Variants in ANK3 observed in about 807,000 individuals in gnomAD.
The protein encoded by ANK3 is ankyrin-3.
In ANK3, 57 loss-of-function variants were observed where a neutral mutation model predicts 370.9. The ratio of observed to expected loss-of-function variants is 0.15; its 90% CI spans 0.12 to 0.19. The LOEUF is 0.19. Ranked by LOEUF, ANK3 falls within the 10% of genes least tolerant of loss-of-function variation. ANK3 has a pLI of 1.00. For synonymous variants in ANK3, 1,929 were observed against 1,946.3 expected (o/e 0.99, Z 0.23); for missense variants, 4,439 against 5,302.1 (o/e 0.84, Z 5.06).
intron 1 of ANK3, among the ~76,000 whole-genome samples, chr10:60,292,646 T>A (rs1368840380): frequency 6.6e-6 from 1 of 152,056 alleles, no homozygotes; most frequent in Non-Finnish European, 1.5e-5. Context: ...GTATTTTTCA[T>A]TTGTTTGGGA....
intron 2 of ANK3, among the ~76,000 whole-genome samples, chr10:60,577,690 C>A (rs2077700276): frequency 6.6e-6 from 1 of 152,082 alleles, no homozygotes; most frequent in Admixed American, 6.6e-5. Flanking sequence ...TCAGGTGTGT[C>A]TTTATCAGCA....
intron 1 of ANK3, among the ~76,000 whole-genome samples, chr10:60,328,755 AG>A (rs1301895660): frequency 1.3e-5 from 2 of 152,220 alleles, no homozygotes; most frequent in Non-Finnish European, 2.9e-5. Flanking sequence ...ATAGAAAAAG[AG>A]GGACTCCTCC....
chr10:60,156,614 G>A (rs2095336073), intron 23 of ANK3, among the ~76,000 whole-genome samples: 1 of 152,200 alleles, frequency 6.6e-6, no homozygotes, highest in African/African-American at 2.4e-5. Flanking sequence ...AGAGAGGGAA[G>A]TGGGAGAGAC....
chr10:60,047,604 T>G (rs1053521540), intron 42 of ANK3, among the ~76,000 whole-genome samples: 1 of 152,230 alleles, frequency 6.6e-6, no homozygotes, highest in Admixed American at 6.5e-5. Flanking sequence ...GAACTTACCA[T>G]ACGTTTGAAC....
chr10:60,611,704 C>A (rs1357552966), intron 2 of ANK3, among the ~76,000 whole-genome samples: 1 of 151,676 alleles, frequency 6.6e-6, no homozygotes, highest in Non-Finnish European at 1.5e-5. Flanking sequence ...TTCATCCTTT[C>A]TATTAAGTAA....
At chr10:60,135,705 C>T (rs1226627313) in intron 24 of ANK3, among the ~76,000 whole-genome samples, 1 of 152,210 alleles carries the variant, frequency 6.6e-6, no homozygotes, top group Non-Finnish European at 1.5e-5. Flanking sequence ...AGAAGATACA[C>T]ATAAGAGGTA....
intron 1 of ANK3, among the ~76,000 whole-genome samples, chr10:60,338,377 T>C (rs1226288565): frequency 6.6e-6 from 1 of 152,186 alleles, no homozygotes; most frequent in African/African-American, 2.4e-5. Context: ...AGGTTCTGAT[T>C]CAATACACCT....
chr10:60,261,923 T>C lies in ANK3; in HGVS notation c.734A>G (p.Tyr245Cys). ...GFTPLHIAAH[Y>C]GNINVATLLL... ...CAACGTGGCTACATTGATATTTCCA[T>C]AGTGAGCAGCTATGTGGAGCGGAGT... The change falls in exon 7 of 44, where the codon TAT becomes TGT. Residue 245 changes from tyrosine to cysteine, a missense_variant. Transcript: ENST00000280772. 1 of 1,614,072 alleles carries C rather than the reference T, an allele frequency of 6.2e-7. No homozygotes were observed. Among genetic ancestry groups the C allele is most frequent in the Non-Finnish European group, 8.5e-7 (1 of 1,179,956 alleles).
At chr10:60,351,882 CA>C (rs939765824) in intron 1 of ANK3, among the ~76,000 whole-genome samples, 2 of 151,636 alleles carry the variant, frequency 1.3e-5, no homozygotes, top group African/African-American at 4.8e-5. Flanking sequence ...ACAAGTACCT[CA>C]GATAACAATG....
intron 1 of ANK3, among the ~76,000 whole-genome samples, chr10:60,363,430 C>T (rs1259689628): frequency 6.6e-6 from 1 of 152,182 alleles, no homozygotes; most frequent in Non-Finnish European, 1.5e-5. Context: ...CCTCCAACCA[C>T]TTGTATCTGG....
At chr10:60,183,254 C>T (rs2096246625) in intron 17 of ANK3, among the ~76,000 whole-genome samples, 1 of 152,128 alleles carries the variant, frequency 6.6e-6, no homozygotes, top group African/African-American at 2.4e-5. Context: ...CATTTAAACT[C>T]TGTTTTCTTG....
chr10:60,277,284 T>G (rs1053585654), intron 4 of ANK3, among the ~76,000 whole-genome samples: 2 of 152,158 alleles, frequency 1.3e-5, no homozygotes, highest in African/African-American at 4.8e-5. Flanking sequence ...TAAAATCAAG[T>G]GCATTTAAAA....
At chr10:60,512,920 G>A (rs1356189998) in intron 2 of ANK3, among the ~76,000 whole-genome samples, 1 of 378 alleles carries the variant, frequency 2.6e-3, no homozygotes, top group Non-Finnish European at 0.014. Flanking sequence ...AACAAGGAAG[G>A]CATTATTTTC....
At chr10:60,433,769 C>T (rs1479342034) in intron 2 of ANK3, among the ~76,000 whole-genome samples, 1 of 152,200 alleles carries the variant, frequency 6.6e-6, no homozygotes, top group Non-Finnish European at 1.5e-5. Flanking sequence ...ACTACATCAT[C>T]GAGATAACCA....
rs118092661 is a variant in ANK3, at chr10:60,268,338, G to T, written c.513+1793C>A. 3.1e-3 allele frequency among the ~76,000 whole-genome samples: 469 copies of T among 152,164 alleles called. 2 individuals are homozygous for T. The highest frequency in any genetic ancestry group is 0.011 in the African/African-American group (443 of 41,528). On this transcript the variant is annotated intron_variant, in intron 5 of 43. Coordinates refer to ENST00000280772, the MANE Select transcript of ANK3 (RefSeq NM_020987.5). ...CCCAACAGTACTGATGGGTACAAAG[G>T]CTCCCTCCGAATTCTCAGGGCAAAC...
At chr10:60,432,719 C>G (rs1287336850) in intron 2 of ANK3, among the ~76,000 whole-genome samples, 1 of 152,088 alleles carries the variant, frequency 6.6e-6, no homozygotes, top group Non-Finnish European at 1.5e-5. Flanking sequence ...CAGGTGGAGG[C>G]CTAGGAGGAG....
chr10:60,537,464 C>T (rs75779710), intron 2 of ANK3, among the ~76,000 whole-genome samples: 13,454 of 151,812 alleles, frequency 0.089, 688 homozygotes, highest in South Asian at 0.18. Context: ...ACATCATACG[C>T]ACAGAAAACA....
chr10:60,181,496 A>T (rs2096185980), intron 17 of ANK3, 69 bp from the exon 18 acceptor site: 12 of 1,411,262 alleles, frequency 8.5e-6, no homozygotes, highest in Non-Finnish European at 1.2e-5. Context: ...ATGTTTGAGA[A>T]ACCATTTGTG....
chr10:60,519,965 TGA>T (rs1369667755), intron 2 of ANK3, among the ~76,000 whole-genome samples: 1 of 152,126 alleles, frequency 6.6e-6, no homozygotes, highest in Non-Finnish European at 1.5e-5. Context: ...GCTCTGATCA[TGA>T]GTTTCAATTT....
Sources: gnomAD v4.1 joint callset for allele counts (sites outside exome capture counted in the v4.1 genomes callset) on GRCh38, gnomAD v4.1.1 for gene constraint, MANE v1.5 for transcripts, NCBI Gene and HGNC (gene_info 2026-07-23, HGNC 2026-07-21) for gene names.